Variants in ZNF233 observed in about 807,000 individuals in gnomAD.
The protein encoded by ZNF233 is zinc finger protein 233.
Under a neutral mutation model 11.6 loss-of-function variants are expected in ZNF233, and 7 were observed. That is an observed-to-expected ratio of 0.60 (90% CI 0.34 to 1.13). The LOEUF (loss-of-function observed/expected upper bound fraction) is 1.13. Among genes scored for constraint, ZNF233 ranks in the 50% most tolerant of loss-of-function variants. ZNF233 has a pLI of 0.03. For synonymous variants in ZNF233, 226 were observed against 268.5 expected (o/e 0.84, Z 1.55); for missense variants, 711 against 785.5 (o/e 0.91, Z 1.13).
chr19:44,266,986 T>G, intron 4 of ZNF233, 25 bp downstream of exon 4: 3 of 1,584,634 alleles, frequency 1.9e-6, no homozygotes, highest in Non-Finnish European at 2.6e-6. Context: ...GCTCTGAGTC[T>G]TTGCGGGGTA....
rs1975355923 is a variant in ZNF233, at chr19:44,275,030, A to G, written c.*357A>G. On this transcript the variant is annotated 3_prime_UTR_variant, in exon 5 of 5. Transcript: ENST00000683810. ...AGTAAGGTCAGAATTTAGCAAAAGT[A>G]TAATGAGGGACATGACAAAATCTGT... The G allele has an allele frequency of 2.0e-5, 8 of 403,800 alleles. No individual in the cohort carries two copies. Among genetic ancestry groups the G allele is most frequent in the Non-Finnish European group, 3.1e-5 (7 of 229,482 alleles). 25.0% of individuals were successfully genotyped at this position (403,800 alleles called of 1,614,324 possible). A position where few individuals can be genotyped will look rare whatever the true frequency, so the allele number is the denominator to read the frequency against.
chr19:44,267,332 C>T (rs1975118307), intron 4 of ZNF233: 1 of 395,564 alleles, frequency 2.5e-6, no homozygotes, highest in Non-Finnish European at 4.4e-6. Context: ...CTGTGTGTTT[C>T]TTATACATGC....
At chr19:44,262,292 G>C (rs1568632048) in intron 1 of ZNF233, among the ~76,000 whole-genome samples, 1 of 152,224 alleles carries the variant, frequency 6.6e-6, no homozygotes, top group Non-Finnish European at 1.5e-5. Flanking sequence ...TCCAAGAGGA[G>C]GGATTACAAG....
chr19:44,261,962 A>C (rs1186089004), intron 1 of ZNF233, among the ~76,000 whole-genome samples: 1 of 152,068 alleles, frequency 6.6e-6, no homozygotes, highest in African/African-American at 2.4e-5. Flanking sequence ...TAATGATTTC[A>C]CTTTTAAGGA....
chr19:44,271,087 CAGCTATGGGAATA>C (rs1975226586), intron 4 of ZNF233, among the ~76,000 whole-genome samples: 1 of 152,102 alleles, frequency 6.6e-6, no homozygotes, highest in Non-Finnish European at 1.5e-5. Context: ...TAGGGTGTGT[CAGCTATGGGAATA>C]AGTTTTCTAA....
At chr19:44,262,213 T>C (rs1419141458) in intron 1 of ZNF233, among the ~76,000 whole-genome samples, 7 of 152,228 alleles carry the variant, frequency 4.6e-5, no homozygotes, top group Admixed American at 3.9e-4. Context: ...TAATGTTCAT[T>C]ATCTCACAGG....
chr19:44,262,995 T>G (rs1974977389), intron 1 of ZNF233, among the ~76,000 whole-genome samples: 1 of 152,186 alleles, frequency 6.6e-6, no homozygotes, highest in African/African-American at 2.4e-5. Flanking sequence ...TGGATTCAGA[T>G]GCAGTCTCAC....
intron 4 of ZNF233, among the ~76,000 whole-genome samples, chr19:44,270,043 G>GAT (rs1363361430): frequency 2.0e-5 from 3 of 152,108 alleles, no homozygotes; most frequent in African/African-American, 4.8e-5. Flanking sequence ...GTGCTAAGTG[G>GAT]ATCTCACTGT....
intron 1 of ZNF233, among the ~76,000 whole-genome samples, chr19:44,261,692 C>T (rs1484275153): frequency 2.1e-5 from 3 of 139,742 alleles, no homozygotes; most frequent in Non-Finnish European, 3.0e-5. Flanking sequence ...CCCTCTGTCT[C>T]CCAGGCTGGA....
chr19:44,274,201 G>A lies in ZNF233; in HGVS notation c.1541G>A (p.Gly514Glu). Residue 514 changes from glycine (G) to glutamate (E), a missense_variant, in exon 5 of 5, where the codon GGG (glycine) becomes GAG (glutamate). Gly to Glu is a moderately conservative substitution (Grantham distance 98). Coordinates refer to ENST00000683810, the MANE Select transcript of ZNF233 (RefSeq NM_001207005.2). ...AAACCCTACAAATGTGACACATGTG[G>A]GAAGGACTTCAGTCAGATCTCTCAT... ...GEKPYKCDTC[G>E]KDFSQISHLQ... 1 of 1,613,836 alleles carries A rather than the reference G, an allele frequency of 6.2e-7. No homozygotes were observed. Among genetic ancestry groups the A allele is most frequent in the Non-Finnish European group, 8.5e-7 (1 of 1,179,956 alleles).
In ZNF233 at chr19:44,272,957, A is replaced by G. The variant is rs780814747; in HGVS notation, c.297A>G (p.Ser99=). 6 of 1,611,138 alleles carry G rather than the reference A, an allele frequency of 3.7e-6. No individual in the cohort carries two copies. Among genetic ancestry groups the G allele is most frequent in the South Asian group, 2.2e-5 (2 of 90,584 alleles). The change falls in exon 5 of 5, where the codon TCA becomes TCG. Residue 99 remains serine (S), a synonymous_variant. Transcript: ENST00000683810. ...AAGAAGTAAGATTAAGATTCCTTTC[A>G]TATGAAGACCTTATATGCTGGCAAA... ...TLQEVRLRFL[S]YEDLICWQIW... is the part of the protein sequence containing the mutation.
intron 2 of ZNF233, among the ~76,000 whole-genome samples, chr19:44,264,966 A>G (rs1012710829): frequency 6.6e-6 from 1 of 152,206 alleles, no homozygotes; most frequent in Non-Finnish European, 1.5e-5. Context: ...AATTATATAT[A>G]TCTTAAGTGG....
chr19:44,273,885 C>T lies in ZNF233; in HGVS notation c.1225C>T (p.Gln409Ter), dbSNP rs182092287. The T allele has an allele frequency of 1.2e-6, 2 of 1,614,150 alleles. No homozygotes were observed. The highest frequency in any genetic ancestry group is 2.2e-5 in the East Asian group (1 of 44,880). The change falls in exon 5 of 5, where the codon CAG becomes TAG. Residue 409 changes from glutamine to a stop codon, truncating the protein, a stop_gained. Transcript: ENST00000683810. LOFTEE classifies it low-confidence loss of function (END_TRUNC). ...TGATGTATATGATAAAGGCTTCAGT[C>T]AGACATCACAACTTCAAGCCCATCA... is the stretch of plus-strand genomic sequence containing the variant. ...KCDVYDKGFS[Q>*]TSQLQAHQRG... is the part of the protein sequence containing the mutation.
intron 2 of ZNF233, among the ~76,000 whole-genome samples, chr19:44,265,939 G>T (rs184501447): frequency 6.6e-6 from 1 of 152,150 alleles, no homozygotes; most frequent in South Asian, 2.1e-4. Flanking sequence ...GGCATTTACT[G>T]TTGGAATACT....
In ZNF233 at chr19:44,273,431, G is replaced by A; in HGVS notation, c.771G>A (p.Glu257=). The A allele has an allele frequency of 6.2e-7, 1 of 1,614,196 alleles. No homozygotes were observed. The highest frequency in any genetic ancestry group is 1.3e-5 in the African/African-American group (1 of 75,052). Residue 257 remains glutamate (E), a synonymous_variant, in exon 5 of 5, where the codon GAG becomes GAA. Coordinates refer to ENST00000683810, the MANE Select transcript of ZNF233 (RefSeq NM_001207005.2). ...SSQHSIIQSG[E]QTSDENGKGL... Reference sequence around the variant, plus strand: ...AGCATAGCATAATCCAATCAGGAGAGCAAACCTCTGATGAAAATGGAAAAG... The same window carrying A: ...AGCATAGCATAATCCAATCAGGAGAACAAACCTCTGATGAAAATGGAAAAG...
intron 1 of ZNF233, among the ~76,000 whole-genome samples, chr19:44,262,778 T>C (rs1490315600): frequency 1.3e-5 from 2 of 152,164 alleles, no homozygotes; most frequent in Non-Finnish European, 2.9e-5. Context: ...GGTGAGGAAA[T>C]AGGCACAAAG....
At chr19:44,272,516 CG>C (rs1975263549) in intron 4 of ZNF233, among the ~76,000 whole-genome samples, 1 of 151,426 alleles carries the variant, frequency 6.6e-6, no homozygotes. Context: ...GGGCGGTTCA[CG>C]AGGTCAGGAG....
chr19:44,274,767 A>G lies in ZNF233; in HGVS notation c.*94A>G. On this transcript the variant is annotated 3_prime_UTR_variant, in exon 5 of 5. Transcript: ENST00000683810. ...CCTCAGAAAATCCACACAGCACAGA[A>G]TATTTATAAAATGTCATGTTTTAAG... 1.0e-6 allele frequency: 1 copy of G among 959,972 alleles called. No individual in the cohort carries two copies. Among genetic ancestry groups the G allele is most frequent in the East Asian group, 2.6e-5 (1 of 38,302 alleles). The allele number at this position is 959,972 out of a possible 1,614,324, so 59.5% of individuals were successfully genotyped here.
At chr19:44,262,879 C>T (rs1000555991) in intron 1 of ZNF233, among the ~76,000 whole-genome samples, 8 of 152,266 alleles carry the variant, frequency 5.3e-5, no homozygotes, top group African/African-American at 1.9e-4. Context: ...GCAGTTCATA[C>T]CCTCCAACTT....
Sources: allele counts gnomAD v4.1 joint callset (sites outside exome capture counted in the v4.1 genomes callset), GRCh38; gene constraint gnomAD v4.1.1; transcripts MANE v1.5; gene names NCBI Gene and HGNC (gene_info 2026-07-23, HGNC 2026-07-21).